Variants in NDUFAF6 observed in about 807,000 individuals in gnomAD.
The protein encoded by NDUFAF6 is NADH dehydrogenase (ubiquinone) complex I, assembly factor 6.
NDUFAF6 carries 45 observed loss-of-function variants against 40.8 expected under a neutral mutation model. The observed-to-expected ratio is 1.10, with a 90% CI of 0.87 to 1.42. NDUFAF6 has a LOEUF of 1.42. NDUFAF6 is among the 40% of genes most tolerant of loss of function. NDUFAF6 has a pLI of 0.00. For missense variants in NDUFAF6, 435 were observed against 418.5 expected (o/e 1.04, Z -0.34); for synonymous variants, 185 against 155.9 (o/e 1.19, Z -1.39).
chr8:95,051,761 T>A (rs1272162224), intron 7 of NDUFAF6, among the ~76,000 whole-genome samples: 4 of 152,102 alleles, frequency 2.6e-5, no homozygotes, highest in Admixed American at 2.6e-4. Flanking sequence ...TCCGGCTGCG[T>A]GGAACGAATT....
At position 95,112,873 on chromosome 8, in the gene NDUFAF6, G is replaced by C. The variant is rs148628930; in HGVS notation, n.345-2663G>C. Among the ~76,000 whole-genome samples, 224 of 152,338 alleles carry C rather than the reference G, an allele frequency of 1.5e-3. 1 individual carries two copies. Among genetic ancestry groups the C allele is most frequent in the African/African-American group, 5.1e-3 (212 of 41,582 alleles). On this transcript the variant is annotated intron_variant and non_coding_transcript_variant, in intron 4 of 5. Coordinates refer to the NDUFAF6 transcript ENST00000523184. ...ATTAAAAATGTTTAGCAACCAGGATGCCCCATGGGCTGACAAATCTGAATG... is the reference window on the plus strand; with the variant it reads ...ATTAAAAATGTTTAGCAACCAGGATCCCCCATGGGCTGACAAATCTGAATG...
chr8:94,904,274 GCTGGGACTA>G (rs1216623481), intron 1 of NDUFAF6, among the ~76,000 whole-genome samples: 2 of 141,784 alleles, frequency 1.4e-5, no homozygotes, highest in Non-Finnish European at 3.0e-5. Flanking sequence ...CTCCCGAGTA[GCTGGGACTA>G]CAGGCACCCA....
rs552506926 is a variant in NDUFAF6 at position 94,972,596 on chromosome 8, C to A, written c.-198-8263C>A. Among the ~76,000 whole-genome samples, 9 of 152,182 alleles carry A rather than the reference C, an allele frequency of 5.9e-5. No individual in the cohort carries two copies. In the South Asian group the frequency reaches 1.9e-3, roughly 32 times the overall value. On this transcript the variant is annotated intron_variant, in intron 1 of 9. Coordinates refer to the NDUFAF6 transcript ENST00000396111. ...ACCTAAAGGAAAATGAGTTTTTGATCATAAAATTAAGTACAATTTAAAAAT... is the reference window on the plus strand; with the variant it reads ...ACCTAAAGGAAAATGAGTTTTTGATAATAAAATTAAGTACAATTTAAAAAT...
At chr8:95,091,782 A>G (rs1318394374) in intron 2 of NDUFAF6, among the ~76,000 whole-genome samples, 1 of 138,082 alleles carries the variant, frequency 7.2e-6, no homozygotes. Context: ...CTGGGACTAC[A>G]GGTGTGTGCT....
chr8:94,898,124 T>G (rs555952948), intron 1 of NDUFAF6, among the ~76,000 whole-genome samples: 1 of 152,322 alleles, frequency 6.6e-6, no homozygotes, highest in South Asian at 2.1e-4. Flanking sequence ...CCACCACACA[T>G]GCACAGTTTC....
downstream of NDUFAF6, among the ~76,000 whole-genome samples, chr8:95,062,728 T>G (rs1832601868): frequency 6.6e-6 from 1 of 152,210 alleles, no homozygotes; most frequent in African/African-American, 2.4e-5. Context: ...GTCTTTTAAC[T>G]AGTTAGACAT....
chr8:94,903,796 G>A (rs150554686), intron 1 of NDUFAF6, among the ~76,000 whole-genome samples: 1 of 152,228 alleles, frequency 6.6e-6, no homozygotes, highest in African/African-American at 2.4e-5. Context: ...AGTTTTTAAG[G>A]CGCTGTTTCT....
chr8:95,008,344 C>G (rs1014740015), intron 2 of NDUFAF6, among the ~76,000 whole-genome samples: 1 of 152,212 alleles, frequency 6.6e-6, no homozygotes, highest in East Asian at 1.9e-4. Context: ...AGGGCAGATT[C>G]TAAGATCAGT....
At chr8:95,040,455 C>T (rs1273261346) in intron 3 of NDUFAF6, among the ~76,000 whole-genome samples, 1 of 152,194 alleles carries the variant, frequency 6.6e-6, no homozygotes, top group Non-Finnish European at 1.5e-5. Context: ...TGCTCCTCAT[C>T]AAAATTTCTC....
chr8:94,909,829 C>T (rs571640106), intron 1 of NDUFAF6, among the ~76,000 whole-genome samples: 67 of 139,176 alleles, frequency 4.8e-4, no homozygotes, highest in South Asian at 3.2e-3. Flanking sequence ...CACACACACA[C>T]ATATATATAT....
downstream of NDUFAF6, among the ~76,000 whole-genome samples, chr8:95,105,066 C>CAGAGAGAGAGAG (rs55705930): frequency 1.4e-5 from 1 of 72,770 alleles, no homozygotes; most frequent in Non-Finnish European, 3.0e-5. Context: ...CACACACACA[C>CAGAGAGAGAGAG]AGAGAGAGAG....
At chr8:94,987,693 C>A (rs1465489732) in intron 2 of NDUFAF6, among the ~76,000 whole-genome samples, 2 of 152,296 alleles carry the variant, frequency 1.3e-5, no homozygotes, top group East Asian at 1.9e-4. Context: ...AGCCCCACCC[C>A]CTCCTATGAA....
chr8:94,912,054 G>T (rs1818818018), intron 1 of NDUFAF6, among the ~76,000 whole-genome samples: 1 of 152,160 alleles, frequency 6.6e-6, no homozygotes, highest in Non-Finnish European at 1.5e-5. Flanking sequence ...TCATTTAGGA[G>T]GTATTACCAC....
At chr8:95,006,730 A>G (rs1302110110) in intron 2 of NDUFAF6, among the ~76,000 whole-genome samples, 1 of 151,828 alleles carries the variant, frequency 6.6e-6, no homozygotes, top group Non-Finnish European at 1.5e-5. Flanking sequence ...AAATACAAAA[A>G]CGAGCTGGGT....
intron 1 of NDUFAF6, among the ~76,000 whole-genome samples, chr8:94,909,347 T>TCAAAA (rs1818589423): frequency 5.0e-5 from 1 of 20,172 alleles, no homozygotes; most frequent in African/African-American, 2.7e-4. Context: ...AGACTCCGTC[T>TCAAAA]CAAAAAAAAA....
chr8:94,995,532 G>A (rs1455442991), intron 2 of NDUFAF6, among the ~76,000 whole-genome samples: 3 of 152,024 alleles, frequency 2.0e-5, no homozygotes, highest in Admixed American at 6.6e-5. Context: ...GAGAGTCTGA[G>A]GCGGGAGGAT....
At chr8:94,907,078 G>T (rs1200950349) in intron 1 of NDUFAF6, among the ~76,000 whole-genome samples, 3 of 152,230 alleles carry the variant, frequency 2.0e-5, no homozygotes, top group Non-Finnish European at 1.5e-5. Flanking sequence ...GCAAGTGAGA[G>T]AATGTATGTA....
chr8:95,081,833 G>A (rs892419863), intron 2 of NDUFAF6, among the ~76,000 whole-genome samples: 1 of 149,020 alleles, frequency 6.7e-6, no homozygotes, highest in South Asian at 2.1e-4. Context: ...AGGCCGAGGC[G>A]AGCGGATCAT....
chr8:95,001,046 C>T (rs1247055633), intron 2 of NDUFAF6, among the ~76,000 whole-genome samples: 1 of 150,430 alleles, frequency 6.6e-6, no homozygotes, highest in Non-Finnish European at 1.5e-5. Flanking sequence ...GCCTTGATGT[C>T]CCAGGCCCAA....
Sources: gnomAD v4.1 joint callset for allele counts (sites outside exome capture counted in the v4.1 genomes callset) on GRCh38, gnomAD v4.1.1 for gene constraint, MANE v1.5 for transcripts, NCBI Gene and HGNC (gene_info 2026-07-23, HGNC 2026-07-21) for gene names.